GKAP1: variants seen among roughly 807,000 people sequenced by gnomAD.
The protein encoded by GKAP1 is G kinase anchoring protein 1, also known as G kinase-anchoring protein 1.
A neutral mutation model predicts 56.7 loss-of-function variants in GKAP1; 31 were observed. The observed-to-expected ratio is 0.55, with a 90% CI of 0.41 to 0.74. The LOEUF (loss-of-function observed/expected upper bound fraction) is 0.74, where lower values mean the gene tolerates loss of function less well. GKAP1 is among the 30% of genes least tolerant of loss of function. GKAP1 has a pLI of 0.00. For missense variants in GKAP1, 364 were observed against 402.3 expected, an observed-to-expected ratio of 0.90 and a Z score of 0.82; for synonymous variants, 151 against 138.6, an observed-to-expected ratio of 1.09 and a Z score of -0.63.
chr9:83,780,465 T>A lies in GKAP1; in HGVS notation c.563-61A>T, dbSNP rs1352546494. On this transcript the variant is annotated intron_variant, in intron 6 of 12. Transcript: ENST00000376371. The stretch of plus-strand genomic sequence containing the variant: ...TGAAGGAATTTAACATACAAAAATG[T>A]AAAAAAAAAAAAAAAAACGAAACTG... The A allele has an allele frequency of 4.1e-4, 86 of 210,886 alleles. No homozygotes were observed. Among genetic ancestry groups the A allele is most frequent in the Non-Finnish European group, 5.0e-4 (52 of 103,146 alleles). 13.1% of individuals were successfully genotyped at this position (210,886 alleles called of 1,614,324 possible).
At chr9:83,746,530 G>A (rs113776136) in intron 10 of GKAP1, among the ~76,000 whole-genome samples, 15,634 of 151,926 alleles carry the variant, frequency 0.1, 1,016 homozygotes, top group Non-Finnish European at 0.14. Flanking sequence ...GTGAAACCCC[G>A]TCTCTAGTAA....
chr9:83,790,648 AC>A (rs138483586), intron 4 of GKAP1, among the ~76,000 whole-genome samples: 48,319 of 151,138 alleles, frequency 0.32, 8,412 homozygotes, highest in East Asian at 0.47. Context: ...AAACAAAAAA[AC>A]AAACAAACAA....
chr9:83,789,802 G>GA (rs1468040571), intron 4 of GKAP1, among the ~76,000 whole-genome samples: 1 of 151,968 alleles, frequency 6.6e-6, no homozygotes, highest in African/African-American at 2.4e-5. Flanking sequence ...GATAACCCTC[G>GA]AAAAATGACA....
chr9:83,780,941 T>C (rs1255012377), intron 6 of GKAP1, among the ~76,000 whole-genome samples: 2 of 152,200 alleles, frequency 1.3e-5, no homozygotes, highest in African/African-American at 2.4e-5. Context: ...TATATATTTA[T>C]AGACTTAACA....
At chr9:83,793,510 GT>G (rs1944196972) in intron 4 of GKAP1, among the ~76,000 whole-genome samples, 2 of 152,182 alleles carry the variant, frequency 1.3e-5, no homozygotes, top group African/African-American at 4.8e-5. Context: ...ACCACATTCA[GT>G]TCATCTCAGC....
Position 83,746,729 on chromosome 9 carries a change from A to AAAATTGTTATTTTTTTTAATAGGT in GKAP1, c.904+1579_904+1580insACCTATTAAAAAAAATAACAATTT, listed in dbSNP as rs1456872874. On this transcript the variant is annotated intron_variant, in intron 10 of 12. Coordinates refer to ENST00000376371, the MANE Select transcript of GKAP1 (RefSeq NM_025211.4). ...TAAATAAATAAATAACAATTTAAAA[A>AAAATTGTTATTTTTTTTAATAGGT]AATCACCTCTAGATTACCTATAATA... 5.3e-5 allele frequency among the ~76,000 whole-genome samples: 8 copies of AAAATTGTTATTTTTTTTAATAGGT among 151,904 alleles called. No individual in the cohort carries two copies. In the East Asian group the frequency reaches 1.5e-3, roughly 29 times the overall value.
rs188683366 is a variant in GKAP1, at chr9:83,767,504, G to A, written c.738+1314C>T. ...CTTCCGAGTAGCTGGGACTACAGGC[G>A]CCCTCCACAACGCTCAGTTATTTTT... On this transcript the variant is annotated intron_variant, in intron 8 of 12. Transcript: ENST00000376371. 1.2e-3 allele frequency among the ~76,000 whole-genome samples: 187 copies of A among 151,244 alleles called. 1 individual carries two copies. The highest frequency in any genetic ancestry group is 4.4e-3 in the African/African-American group (179 of 41,134).
rs1201698311 is a variant in GKAP1 at position 83,811,525 on chromosome 9, TAATC to T, written c.-43-4969_-43-4966del. 2.0e-5 allele frequency among the ~76,000 whole-genome samples: 3 copies of T among 152,228 alleles called. No individual in the cohort carries two copies. The East Asian group carries it at 5.8e-4, about 29-fold the overall frequency. On this transcript the variant is annotated intron_variant, in intron 2 of 12. Coordinates refer to ENST00000376371, the MANE Select transcript of GKAP1 (RefSeq NM_025211.4). ...CAGAAAGTATTATGACAAATACTGT[TAATC>T]AAGAAAAGAACCAATGACAAACACT...
Position 83,786,861 on chromosome 9 carries a change from A to T in GKAP1, c.438+1740T>A, listed in dbSNP as rs1944072979. 2.6e-5 allele frequency among the ~76,000 whole-genome samples: 4 copies of T among 152,316 alleles called. No individual in the cohort carries two copies. In the South Asian group the frequency reaches 8.3e-4, roughly 32 times the overall value. Reference sequence around the variant, plus strand: ...CACTATTTACTCTATTTCTCCTCTAAGGATACAGGTAATCCTTCTAGCTTT... The same window carrying T: ...CACTATTTACTCTATTTCTCCTCTATGGATACAGGTAATCCTTCTAGCTTT... On this transcript the variant is annotated intron_variant, in intron 5 of 12. Transcript: ENST00000376371.
At chr9:83,752,416 AC>A (rs1943405806) in intron 9 of GKAP1, among the ~76,000 whole-genome samples, 1 of 152,136 alleles carries the variant, frequency 6.6e-6, no homozygotes, top group South Asian at 2.1e-4. Flanking sequence ...ACTCTGTCTC[AC>A]AAAAACAAAC....
At chr9:83,773,546 G>A (rs1943799643) in intron 7 of GKAP1, among the ~76,000 whole-genome samples, 1 of 151,584 alleles carries the variant, frequency 6.6e-6, no homozygotes, top group Non-Finnish European at 1.5e-5. Context: ...AAACACACTT[G>A]ATCCCACACC....
Position 83,779,468 on chromosome 9 carries a change from CATAT to C in GKAP1, c.585+910_585+913del, listed in dbSNP as rs1390780923. ...ATATATACACACACACACACACGCA[CATAT>C]ACATATACATACATATATACACATA... On this transcript the variant is annotated intron_variant, in intron 7 of 12. Coordinates refer to ENST00000376371, the MANE Select transcript of GKAP1 (RefSeq NM_025211.4). Among the ~76,000 whole-genome samples, 277 of 93,444 alleles carry C rather than the reference CATAT, an allele frequency of 3.0e-3. 6 individuals are homozygous for C. Among genetic ancestry groups the C allele is most frequent in the Non-Finnish European group, 5.6e-3 (233 of 41,466 alleles). The allele number at this position is 93,444 out of a possible 152,430, so 61.3% of individuals were successfully genotyped here.
chr9:83,779,610 TATACACAC>T (rs1242213002), intron 7 of GKAP1, among the ~76,000 whole-genome samples: 1 of 84,216 alleles, frequency 1.2e-5, no homozygotes, highest in Non-Finnish European at 2.5e-5. Context: ...TATATACACA[TATACACAC>T]ACACACACAC....
rs1431139470 is a variant in GKAP1 at position 83,795,591 on chromosome 9, T to TTTA, written c.360+3593_360+3594insTAA. On this transcript the variant is annotated intron_variant, in intron 4 of 12. Coordinates refer to ENST00000376371, the MANE Select transcript of GKAP1 (RefSeq NM_025211.4). ...TTATGGTTATGTCTGAGAGTGTCTT[T>TTTA]TTTTTTTTTTTTTTTTTTGAGATAG... 2.5e-3 allele frequency among the ~76,000 whole-genome samples: 356 copies of TTTA among 140,730 alleles called. 8 individuals are homozygous for TTTA. Among genetic ancestry groups the TTTA allele is most frequent in the Non-Finnish European group, 3.7e-3 (232 of 62,190 alleles). The allele number at this position is 140,730 out of a possible 152,430, so 92.3% of individuals were successfully genotyped here.
chr9:83,766,747 A>C (rs1317824364), intron 8 of GKAP1, among the ~76,000 whole-genome samples: 1 of 152,198 alleles, frequency 6.6e-6, no homozygotes, highest in African/African-American at 2.4e-5. Flanking sequence ...TTAGAAAGAG[A>C]TCAATCAAAG....
intron 3 of GKAP1, among the ~76,000 whole-genome samples, chr9:83,800,397 C>T (rs907749690): frequency 2.3e-4 from 34 of 146,716 alleles, no homozygotes; most frequent in African/African-American, 7.3e-4. Context: ...TGCAGTGGCA[C>T]AATCTCGCTC....
intron 8 of GKAP1, among the ~76,000 whole-genome samples, chr9:83,759,186 C>T (rs961566695): frequency 1.3e-5 from 2 of 152,240 alleles, no homozygotes; most frequent in East Asian, 3.9e-4. Flanking sequence ...CAGATTTTGT[C>T]GTTCTTTTCC....
intron 9 of GKAP1, among the ~76,000 whole-genome samples, chr9:83,750,188 T>C (rs1326297563): frequency 1.3e-5 from 2 of 152,292 alleles, no homozygotes; most frequent in East Asian, 3.9e-4. Context: ...TGACAATTAT[T>C]TGCATTGCTT....
In GKAP1 at chr9:83,803,999, A is replaced by T. The variant is rs1380171054; in HGVS notation, c.216+2303T>A. Among the ~76,000 whole-genome samples, 19 of 145,876 alleles carry T rather than the reference A, an allele frequency of 1.3e-4. 1 individual carries two copies. On this transcript the variant is annotated intron_variant, in intron 3 of 12. Transcript: ENST00000376371. ...GCCCAGCCGCCCCGTCTGAGAAGTG[A>T]GGAGACCCTCCGCCCAGCATCCGCC...
Sources: allele counts gnomAD v4.1 joint callset (sites outside exome capture counted in the v4.1 genomes callset), GRCh38; gene constraint gnomAD v4.1.1; transcripts MANE v1.5; gene names NCBI Gene and HGNC (gene_info 2026-07-23, HGNC 2026-07-21).